CHCHD6: variants seen among roughly 807,000 people sequenced by gnomAD.
The protein encoded by CHCHD6 is coiled-coil-helix-coiled-coil-helix domain containing 6.
In CHCHD6, 28 loss-of-function variants were observed where a neutral mutation model predicts 32.3. That is an observed-to-expected ratio of 0.87 (90% confidence interval 0.64 to 1.19). The LOEUF is 1.19. Among genes scored for constraint, CHCHD6 ranks in the 50% most tolerant of loss-of-function variants. The pLI is 0.00. For missense variants in CHCHD6, 333 were observed against 307.0 expected, an observed-to-expected ratio of 1.08 and a Z score of -0.63; for synonymous variants, 122 against 117.5, an observed-to-expected ratio of 1.04 and a Z score of -0.25.
intron 4 of CHCHD6, among the ~76,000 whole-genome samples, chr3:126,770,243 C>T (rs1937519593): frequency 6.6e-6 from 1 of 152,022 alleles, no homozygotes; most frequent in Admixed American, 6.6e-5. Flanking sequence ...GAGCTTTGGG[C>T]AGAGACTAGA....
chr3:126,944,495 G>C (rs1455484400), intron 6 of CHCHD6, among the ~76,000 whole-genome samples: 1 of 152,256 alleles, frequency 6.6e-6, no homozygotes, highest in Non-Finnish European at 1.5e-5. Flanking sequence ...CTCCTGTCTA[G>C]TGGGGAGACA....
intron 5 of CHCHD6, 106 bp from the exon 6 acceptor site, chr3:126,914,574 C>T (rs2078141946): frequency 1.3e-6 from 1 of 745,144 alleles, no homozygotes; most frequent in Admixed American, 1.9e-5. Context: ...GGCTTTGATG[C>T]CCGTCAAGAA....
intron 6 of CHCHD6, among the ~76,000 whole-genome samples, chr3:126,953,386 G>A (rs143651481): frequency 2.8e-4 from 42 of 152,316 alleles, no homozygotes; most frequent in Admixed American, 5.2e-4. Context: ...TGTAGAGGGA[G>A]GGACCCTTTA....
intron 4 of CHCHD6, among the ~76,000 whole-genome samples, chr3:126,774,817 C>T (rs147332662): frequency 6.6e-6 from 1 of 152,228 alleles, no homozygotes; most frequent in Non-Finnish European, 1.5e-5. Flanking sequence ...TAAAAGTTTA[C>T]TGTCTAAATT....
In CHCHD6 at chr3:126,914,744, C is replaced by A. The variant is rs776051047; in HGVS notation, c.560C>A (p.Thr187Lys). 2 of 1,553,058 alleles carry A rather than the reference C, an allele frequency of 1.3e-6. No homozygotes were observed. The highest frequency in any genetic ancestry group is 2.7e-5 in the African/African-American group (2 of 73,856). The part of the protein sequence containing the change: ...FHEAASKMES[T>K]IKPRRVEPVC... The stretch of plus-strand genomic sequence containing the variant: ...GAGGCAGCCTCAAAGATGGAGAGCA[C>A]AATAAAGTAAGAATTTGTTTATTAT... The change falls in exon 6 of 8, where the codon ACA becomes AAA. Residue 187 changes from threonine (T) to lysine (K), a missense_variant. Physicochemically the swap from Thr to Lys is moderately conservative, Grantham distance 78 (BLOSUM62 -1). Coordinates refer to ENST00000290913, the MANE Select transcript of CHCHD6 (RefSeq NM_032343.3).
chr3:126,724,410 A>G (rs1461969902), intron 1 of CHCHD6, among the ~76,000 whole-genome samples: 1 of 152,248 alleles, frequency 6.6e-6, no homozygotes, highest in Non-Finnish European at 1.5e-5. Context: ...AGTGTACACT[A>G]ACATTATGCC....
intron 4 of CHCHD6, among the ~76,000 whole-genome samples, chr3:126,789,203 C>G (rs1299471554): frequency 2.0e-5 from 3 of 152,192 alleles, no homozygotes; most frequent in Non-Finnish European, 4.4e-5. Context: ...GTTATAATTT[C>G]TGTTCTTTTA....
rs77799246 is a variant in CHCHD6 at position 126,891,796 on chromosome 3, G to A, written c.496-22884G>A. Among the ~76,000 whole-genome samples the A allele has an allele frequency of 9.9e-3, 1,507 of 152,264 alleles. 27 individuals are homozygous for A. The highest frequency in any genetic ancestry group is 0.034 in the African/African-American group (1,419 of 41,542). ...GTAAGACAGAGCTAGATCAAGGGCA[G>A]CCTTAGGCTTCTGGCTTGAACCACT... On this transcript the variant is annotated intron_variant, in intron 5 of 7. Coordinates refer to ENST00000290913, the MANE Select transcript of CHCHD6 (RefSeq NM_032343.3).
intron 4 of CHCHD6, among the ~76,000 whole-genome samples, chr3:126,802,590 G>A (rs1249578669): frequency 6.6e-6 from 1 of 152,212 alleles, no homozygotes; most frequent in African/African-American, 2.4e-5. Context: ...ACGTCTGATT[G>A]GTGTACCTGA....
intron 4 of CHCHD6, among the ~76,000 whole-genome samples, chr3:126,746,823 C>T (rs916857723): frequency 6.6e-6 from 1 of 152,062 alleles, no homozygotes; most frequent in Non-Finnish European, 1.5e-5. Flanking sequence ...CTTTTTTTTC[C>T]TTTCCCCTTC....
At position 126,915,430 on chromosome 3, in the gene CHCHD6, C is replaced by T. The variant is rs186919521; in HGVS notation, c.566+680C>T. 5.9e-5 allele frequency among the ~76,000 whole-genome samples: 9 copies of T among 152,328 alleles called. No individual in the cohort carries two copies. In the East Asian group the frequency reaches 1.7e-3, roughly 29 times the overall value. ...TCAATAGTACAGTTCCCTGGAAGGT[C>T]AGAAAGTGATTCTTGTGGGAAGGAA... On this transcript the variant is annotated intron_variant, in intron 6 of 7. Transcript: ENST00000290913.
intron 4 of CHCHD6, among the ~76,000 whole-genome samples, chr3:126,744,016 G>T (rs1478959373): frequency 1.3e-5 from 2 of 152,192 alleles, no homozygotes; most frequent in African/African-American, 4.8e-5. Flanking sequence ...CTGTACCCCT[G>T]CTCCTCTTCC....
chr3:126,957,783 T>C, intron 7 of CHCHD6: 2 of 609,336 alleles, frequency 3.3e-6, no homozygotes, highest in South Asian at 3.8e-5. Context: ...ATGATCCCTG[T>C]TGCGTTTGCC....
At chr3:126,817,859 C>T (rs1306110840) in intron 4 of CHCHD6, among the ~76,000 whole-genome samples, 2 of 152,130 alleles carry the variant, frequency 1.3e-5, no homozygotes, top group Admixed American at 6.6e-5. Context: ...CTTCTTCTTC[C>T]CCATTTTCTA....
At chr3:126,921,818 G>T (rs2078252541) in intron 6 of CHCHD6, among the ~76,000 whole-genome samples, 1 of 152,192 alleles carries the variant, frequency 6.6e-6, no homozygotes, top group South Asian at 2.1e-4. Flanking sequence ...GGACCCACCT[G>T]AGAGAATGAA....
intron 5 of CHCHD6, among the ~76,000 whole-genome samples, chr3:126,872,014 G>A (rs2077479319): frequency 6.6e-6 from 1 of 152,134 alleles, no homozygotes; most frequent in Non-Finnish European, 1.5e-5. Flanking sequence ...TCAGAAATTT[G>A]TTTCTAAAGA....
At chr3:126,914,809 T>A in intron 6 of CHCHD6, 59 bp downstream of exon 6, 1 of 1,002,330 alleles carries the variant, frequency 1.0e-6, no homozygotes, top group East Asian at 2.4e-5. Flanking sequence ...AATTCCCACA[T>A]GTGGCTTGAA....
intron 1 of CHCHD6, among the ~76,000 whole-genome samples, chr3:126,719,573 T>C (rs542304251): frequency 1.1e-4 from 16 of 152,222 alleles, no homozygotes; most frequent in Admixed American, 2.0e-4. Context: ...TTTTTGTCTT[T>C]CATCAGGCCA....
chr3:126,736,205 C>G (rs928748817), intron 4 of CHCHD6, among the ~76,000 whole-genome samples: 1 of 152,174 alleles, frequency 6.6e-6, no homozygotes, highest in African/African-American at 2.4e-5. Flanking sequence ...TTTTTCTTTC[C>G]TCTCCTGCAT....
Sources: allele counts gnomAD v4.1 joint callset (sites outside exome capture counted in the v4.1 genomes callset), GRCh38; gene constraint gnomAD v4.1.1; transcripts MANE v1.5; gene names NCBI Gene and HGNC (gene_info 2026-07-23, HGNC 2026-07-21).